The following CDH23 variants were observed in gnomAD, a reference collection of about 807,000 sequenced individuals.
CDH23 encodes the protein cadherin related 23.
A neutral mutation model predicts 317.1 loss-of-function variants in CDH23; 189 were observed. The observed-to-expected ratio is 0.60, with a 90% confidence interval of 0.53 to 0.67. The LOEUF (loss-of-function observed/expected upper bound fraction) is 0.67. Ranked by LOEUF, CDH23 falls within the 30% of genes least tolerant of loss-of-function variation. CDH23 has a pLI of 0.00. For synonymous variants in CDH23, 1,839 were observed against 1,876.8 expected (o/e 0.98, Z 0.52); for missense variants, 4,401 against 4,592.4 (o/e 0.96, Z 1.20).
intron 14 of CDH23, among the ~76,000 whole-genome samples, chr10:71,669,450 C>CT (rs200193327): frequency 0.029 from 4,202 of 143,344 alleles, 205 homozygotes; most frequent in African/African-American, 0.099. Context: ...CCCATTCTGA[C>CT]TTTTTTTTTT....
At chr10:71,419,785 T>C (rs1405508282) in intron 1 of CDH23, among the ~76,000 whole-genome samples, 2 of 152,198 alleles carry the variant, frequency 1.3e-5, no homozygotes, top group African/African-American at 4.8e-5. Flanking sequence ...TATCAGTAAG[T>C]GGTGAACTCA....
In CDH23 at chr10:71,808,021, G is replaced by C; in HGVS notation, c.8722+14G>C. 1 of 1,571,522 alleles carries C rather than the reference G, an allele frequency of 6.4e-7. No individual in the cohort carries two copies. Among genetic ancestry groups the C allele is most frequent in the Non-Finnish European group, 8.6e-7 (1 of 1,157,910 alleles). The stretch of plus-strand genomic sequence containing the variant: ...TCTTCACCATGGGTAGGGCCTGGCA[G>C]CACATGAGTGGCCTCTAGCCATGAC... On this transcript the variant is annotated intron_variant, in intron 60 of 69. Coordinates refer to ENST00000224721, the MANE Select transcript of CDH23 (RefSeq NM_022124.6).
At chr10:71,643,556 C>CT (rs1862670563) in intron 11 of CDH23, among the ~76,000 whole-genome samples, 1 of 107,708 alleles carries the variant, frequency 9.3e-6, no homozygotes, top group Admixed American at 8.6e-5. Flanking sequence ...GACAGGAGCC[C>CT]TTGCCCCCCC....
chr10:71,679,311 C>CCAA, intron 16 of CDH23, 76 bp from the exon 17 acceptor site: 1 of 688,724 alleles, frequency 1.5e-6, no homozygotes, highest in Non-Finnish European at 2.6e-6. Flanking sequence ...TCTTCCCCAC[C>CCAA]CTCCCAGCTG....
intron 10 of CDH23, among the ~76,000 whole-genome samples, chr10:71,615,999 C>T (rs1410916861): frequency 6.6e-6 from 1 of 152,238 alleles, no homozygotes; most frequent in Admixed American, 6.5e-5. Flanking sequence ...GGTTCTGTCC[C>T]ACTTCCAAGT....
chr10:71,520,929 GA>G (rs1854638800), intron 6 of CDH23, among the ~76,000 whole-genome samples: 2 of 152,266 alleles, frequency 1.3e-5, no homozygotes, highest in South Asian at 4.1e-4. Flanking sequence ...CCAGGAGGGG[GA>G]AAACGAGACA....
At chr10:71,542,901 G>A (rs2132292092) in intron 6 of CDH23, among the ~76,000 whole-genome samples, 1 of 152,364 alleles carries the variant, frequency 6.6e-6, no homozygotes, top group Non-Finnish European at 1.5e-5. Flanking sequence ...CAGCGTGCAG[G>A]GGGCTTCTGT....
At chr10:71,554,185 T>C (rs1856754905) in intron 6 of CDH23, among the ~76,000 whole-genome samples, 1 of 152,182 alleles carries the variant, frequency 6.6e-6, no homozygotes, top group African/African-American at 2.4e-5. Flanking sequence ...TTTTCTTTTT[T>C]GTTTTGTCGG....
chr10:71,664,447 G>A (rs1290066059), intron 14 of CDH23, among the ~76,000 whole-genome samples: 1 of 152,168 alleles, frequency 6.6e-6, no homozygotes, highest in Non-Finnish European at 1.5e-5. Context: ...GGCTTCCCTA[G>A]AGCATCCCTC....
At chr10:71,473,754 G>C (rs1048719455) in intron 3 of CDH23, among the ~76,000 whole-genome samples, 13 of 152,232 alleles carry the variant, frequency 8.5e-5, no homozygotes, top group Non-Finnish European at 1.3e-4. Flanking sequence ...TGCAGCTCTA[G>C]ACGTGGGGCC....
Position 71,397,439 on chromosome 10 carries a change from C to G in CDH23, c.-6+121C>G, listed in dbSNP as rs910171717. The G allele has an allele frequency of 1.3e-5, 2 of 151,530 alleles. No homozygotes were observed. The highest frequency in any genetic ancestry group is 2.9e-5 in the Non-Finnish European group (2 of 67,888). The allele number at this position is 151,530 out of a possible 1,614,324, so 9.4% of individuals were successfully genotyped here. ...CGGCTGCCGAACCACTTGTTCCCAG[C>G]GCGGCCATCGCCCGTGGCGGGCGCT... On this transcript the variant is annotated intron_variant, in intron 1 of 69. Transcript: ENST00000224721. The surrounding 1 kb of genome is among the most constrained non-coding windows in gnomAD (Gnocchi z 4.8).
intron 38 of CDH23, among the ~76,000 whole-genome samples, chr10:71,768,374 T>G (rs1352423490): frequency 2.0e-5 from 3 of 152,186 alleles, no homozygotes; most frequent in South Asian, 4.1e-4. Flanking sequence ...TTTCACCACG[T>G]TGGCCAGGCT....
Position 71,566,759 on chromosome 10 carries a change from G to T in CDH23, c.447G>T (p.Thr149=), listed in dbSNP as rs577360130. The change falls in exon 7 of 70, where the codon ACG becomes ACT. Residue 149 remains threonine (T), a synonymous_variant. Transcript: ENST00000224721. ...VRIPENTPVG[T]PIFIVNATDP... ...ATCCCCAGAATACACCAGTGGGGAC[G>T]CCCATCTTCATCGTGAATGCCACAG... 1.2e-6 allele frequency: 2 copies of T among 1,606,740 alleles called. No individual in the cohort carries two copies. The highest frequency in any genetic ancestry group is 8.5e-7 in the Non-Finnish European group (1 of 1,174,692).
chr10:71,812,009 T>G lies in CDH23; in HGVS notation c.9374T>G (p.Phe3125Cys). The G allele has an allele frequency of 6.2e-7, 1 of 1,613,842 alleles. No individual in the cohort carries two copies. Among genetic ancestry groups the G allele is most frequent in the Non-Finnish European group, 8.5e-7 (1 of 1,179,838 alleles). ...MDMPNTNKYS[F>C]DGANPVWLDP... ...ATGCCTAACACCAACAAGTACTCCT[T>G]TGATGGGTGAGTGGGGTACTGGCCC... Residue 3125 changes from phenylalanine (F) to cysteine (C), a missense_variant, in exon 66 of 70, where the codon TTT becomes TGT. This residue lies in a region of CDH23 where 1,144 missense variants were observed against 1,138.2 expected (regional missense o/e 1.01). Transcript: ENST00000224721.
chr10:71,784,076 C>T (rs1466900101), intron 41 of CDH23, among the ~76,000 whole-genome samples: 1 of 152,202 alleles, frequency 6.6e-6, no homozygotes, highest in Non-Finnish European at 1.5e-5. Context: ...TCCGCCTGCA[C>T]CCGTGGTGGT....
rs544275288 is a variant in CDH23, at chr10:71,463,530, G to T, written c.145+17135G>T. On this transcript the variant is annotated intron_variant, in intron 3 of 69. Transcript: ENST00000224721. ...GCACCTTTCTCAGGAGCCCCTCTCT[G>T]GGTCCCCACAGCGCTGGGAGAGGGA... 9.7e-4 allele frequency among the ~76,000 whole-genome samples: 148 copies of T among 152,316 alleles called. 1 individual carries two copies. The highest frequency in any genetic ancestry group is 3.3e-3 in the African/African-American group (136 of 41,576).
chr10:71,489,690 C>A (rs137969272), intron 3 of CDH23, among the ~76,000 whole-genome samples: 3 of 149,982 alleles, frequency 2.0e-5, no homozygotes, highest in Non-Finnish European at 4.4e-5. Context: ...TCTTTGAGAC[C>A]TGAGATAAAG....
At chr10:71,405,497 G>A (rs1322272596) in intron 1 of CDH23, among the ~76,000 whole-genome samples, 1 of 151,234 alleles carries the variant, frequency 6.6e-6, no homozygotes, top group Non-Finnish European at 1.5e-5. Context: ...GAGTACAGTG[G>A]TGCAATCTCG....
chr10:71,585,454 C>T (rs1254917022), intron 9 of CDH23, among the ~76,000 whole-genome samples: 1 of 152,234 alleles, frequency 6.6e-6, no homozygotes, highest in Non-Finnish European at 1.5e-5. Flanking sequence ...GAAGCATTCT[C>T]TCTCAAGCTG....
Sources: allele counts gnomAD v4.1 joint callset (sites outside exome capture counted in the v4.1 genomes callset), GRCh38; gene constraint gnomAD v4.1.1; regional missense constraint gnomAD v4.1.1; non-coding constraint Gnocchi (gnomAD v3.1); transcripts MANE v1.5; gene names NCBI Gene and HGNC (gene_info 2026-07-23, HGNC 2026-07-21).